DCLK3: variants seen among roughly 807,000 people sequenced by gnomAD.
DCLK3 encodes the protein doublecortin like kinase 3, also known as serine/threonine-protein kinase DCLK3.
Under a neutral mutation model 46.4 loss-of-function variants are expected in DCLK3, and 30 were observed. That is an observed-to-expected ratio of 0.65 (90% confidence interval 0.48 to 0.88). The LOEUF (loss-of-function observed/expected upper bound fraction) is 0.88. Ranked by LOEUF, DCLK3 falls within the 40% of genes least tolerant of loss-of-function variation. The pLI is 0.00. For synonymous variants in DCLK3, 401 were observed against 339.2 expected, an observed-to-expected ratio of 1.18 and a Z score of -2.00; for missense variants, 846 against 907.1, an observed-to-expected ratio of 0.93 and a Z score of 0.87.
At chr3:36,716,356 G>A (rs369069573) in intron 4 of DCLK3, among the ~76,000 whole-genome samples, 8 of 152,170 alleles carry the variant, frequency 5.3e-5, no homozygotes, top group African/African-American at 1.2e-4. Flanking sequence ...ACCAATCACC[G>A]CTCCCCTCCC....
intron 1 of DCLK3, among the ~76,000 whole-genome samples, chr3:36,745,190 G>A (rs1279024686): frequency 5.3e-5 from 8 of 152,026 alleles, no homozygotes; most frequent in Admixed American, 5.2e-4. Flanking sequence ...AAAAATAAAA[G>A]ATTTCTCTTT....
intron 3 of DCLK3, among the ~76,000 whole-genome samples, chr3:36,720,504 C>CTTTT (rs34010996): frequency 1.2e-4 from 16 of 129,292 alleles, no homozygotes; most frequent in East Asian, 2.3e-4. Flanking sequence ...ATCTCCTCAT[C>CTTTT]TTTTTTTTTT....
intron 1 of DCLK3, among the ~76,000 whole-genome samples, chr3:36,761,429 A>G (rs1701538256): frequency 6.6e-6 from 1 of 152,042 alleles, no homozygotes; most frequent in Non-Finnish European, 1.5e-5. Context: ...CCCCTCCCCA[A>G]TTCCCAGTAC....
chr3:36,743,231 G>T (rs1163141446), intron 1 of DCLK3, among the ~76,000 whole-genome samples: 1 of 148,374 alleles, frequency 6.7e-6, no homozygotes, highest in Non-Finnish European at 1.5e-5. Context: ...TTTCAGAGCT[G>T]GGATGCTCAA....
chr3:36,739,176 T>C, intron 1 of DCLK3, 92 bp from the exon 2 acceptor site: 1 of 397,406 alleles, frequency 2.5e-6, no homozygotes, highest in Non-Finnish European at 4.4e-6. Context: ...TGACTGACTC[T>C]AGCATTACAG....
intron 1 of DCLK3, among the ~76,000 whole-genome samples, chr3:36,743,596 C>A (rs1000381550): frequency 1.7e-4 from 26 of 152,298 alleles, no homozygotes; most frequent in Non-Finnish European, 2.9e-5. Context: ...TAACTTGCTA[C>A]AGCAAAATAA....
chr3:36,752,626 T>G (rs896407889), intron 1 of DCLK3, among the ~76,000 whole-genome samples: 5 of 152,142 alleles, frequency 3.3e-5, no homozygotes, highest in African/African-American at 1.2e-4. Context: ...CTCATGAACA[T>G]CCTTCCTGCC....
intron 1 of DCLK3, among the ~76,000 whole-genome samples, chr3:36,762,426 C>G (rs986219128): frequency 6.6e-5 from 10 of 151,918 alleles, no homozygotes; most frequent in African/African-American, 2.2e-4. Flanking sequence ...AGAAGTAAAA[C>G]AAGAAAAAGT....
At chr3:36,762,075 G>A (rs945871386) in intron 1 of DCLK3, among the ~76,000 whole-genome samples, 1 of 152,112 alleles carries the variant, frequency 6.6e-6, no homozygotes, top group African/African-American at 2.4e-5. Flanking sequence ...TGAGCACCAC[G>A]CCACCATGAT....
chr3:36,744,157 C>G (rs958045647), intron 1 of DCLK3, among the ~76,000 whole-genome samples: 1 of 152,216 alleles, frequency 6.6e-6, no homozygotes, highest in African/African-American at 2.4e-5. Context: ...CCCCCCAACT[C>G]TGCCCCAGTA....
intron 2 of DCLK3, chr3:36,729,648 C>T (rs1701173414): frequency 6.6e-6 from 1 of 152,204 alleles, no homozygotes; most frequent in Admixed American, 6.5e-5. Flanking sequence ...CATCTCTGAA[C>T]AGAAGATGGA....
At chr3:36,743,207 T>C (rs1397857901) in intron 1 of DCLK3, among the ~76,000 whole-genome samples, 1 of 148,936 alleles carries the variant, frequency 6.7e-6, no homozygotes, top group Non-Finnish European at 1.5e-5. Context: ...ATTGGAGCAT[T>C]TCAGACTTCA....
chr3:36,721,002 C>G (rs1308567018), intron 3 of DCLK3, among the ~76,000 whole-genome samples: 1 of 152,140 alleles, frequency 6.6e-6, no homozygotes, highest in Non-Finnish European at 1.5e-5. Flanking sequence ...CTATTATTTC[C>G]TTTTTAAATG....
At chr3:36,755,039 C>T (rs1321503624) in intron 1 of DCLK3, among the ~76,000 whole-genome samples, 2 of 151,878 alleles carry the variant, frequency 1.3e-5, no homozygotes, top group African/African-American at 4.8e-5. Context: ...TTGAAAAACA[C>T]ATGAAAAAAT....
chr3:36,748,151 T>G (rs915286255), intron 1 of DCLK3, among the ~76,000 whole-genome samples: 1 of 152,194 alleles, frequency 6.6e-6, no homozygotes, highest in Admixed American at 6.5e-5. Context: ...GATCTGTTTA[T>G]CTGTACAAGT....
chr3:36,738,540 C>T lies in DCLK3; in HGVS notation c.627G>A (p.Arg209=), dbSNP rs201508726. 113 of 1,508,400 alleles carry T rather than the reference C, an allele frequency of 7.5e-5. 1 individual carries two copies. In the African/African-American group the frequency reaches 1.3e-3, roughly 17 times the overall value. The allele number at this position is 1,508,400 out of a possible 1,614,324, so 93.4% of individuals were successfully genotyped here. A position where few individuals can be genotyped will look rare whatever the true frequency, so the allele number is the denominator to read the frequency against. ...QHSRAPSPRL[R]SRLFSKALKG... is the part of the protein sequence containing the mutation. ...TCAGAGCCTTGCTAAACAGCCTGCTCCTCAGCCTTGGAGAAGGGGCACGGC... is the reference window on the plus strand; with the variant it reads ...TCAGAGCCTTGCTAAACAGCCTGCTTCTCAGCCTTGGAGAAGGGGCACGGC... Residue 209 remains arginine (R), a synonymous_variant, in exon 2 of 5, where the codon AGG becomes AGA. Transcript: ENST00000636136.
intron 1 of DCLK3, among the ~76,000 whole-genome samples, chr3:36,759,720 A>T: frequency 6.6e-6 from 1 of 152,148 alleles, no homozygotes; most frequent in East Asian, 1.9e-4. Flanking sequence ...GCTGTTCCTC[A>T]GTCTTAGAAT....
At chr3:36,718,855 T>C (rs539708470) in intron 3 of DCLK3, among the ~76,000 whole-genome samples, 1 of 152,246 alleles carries the variant, frequency 6.6e-6, no homozygotes, top group East Asian at 1.9e-4. Context: ...CACACACCTA[T>C]ATAGAGACAT....
rs1701272626 is a variant in DCLK3, at chr3:36,737,158, C to T, written c.1959+50G>A. 2 of 1,564,592 alleles carry T rather than the reference C, an allele frequency of 1.3e-6. No individual in the cohort carries two copies. Among genetic ancestry groups the T allele is most frequent in the Admixed American group, 1.9e-5 (1 of 53,236 alleles). On this transcript the variant is annotated intron_variant, in intron 2 of 4. Coordinates refer to ENST00000636136, the MANE Select transcript of DCLK3 (RefSeq NM_001394672.2). The surrounding 1 kb of genome is among the most constrained non-coding windows in gnomAD (Gnocchi z 4.4). ...ATAAAACAATTAATATCAATTTTAT[C>T]CCATATTCTAAAAACACCCTCTCCC...
Sources: gnomAD v4.1 joint callset for allele counts (sites outside exome capture counted in the v4.1 genomes callset) on GRCh38, gnomAD v4.1.1 for gene constraint, Gnocchi (gnomAD v3.1) non-coding constraint, MANE v1.5 for transcripts, NCBI Gene and HGNC (gene_info 2026-07-23, HGNC 2026-07-21) for gene names.